The following COBL variants were observed in gnomAD, a reference collection of about 807,000 sequenced individuals.
The protein encoded by COBL is protein cordon-bleu.
In COBL, 51 loss-of-function variants were observed where a neutral mutation model predicts 98.8. The observed-to-expected ratio is 0.52, with a 90% CI of 0.41 to 0.65. COBL has a LOEUF of 0.65. Among genes scored for constraint, COBL ranks in the 30% least tolerant of loss-of-function variants. The pLI is 0.00. For missense variants in COBL, 1,617 were observed against 1,617.5 expected (o/e 1.00, Z 0.01); for synonymous variants, 634 against 651.7 (o/e 0.97, Z 0.41).
intron 1 of COBL, among the ~76,000 whole-genome samples, chr7:51,302,049 G>A (rs1000184760): frequency 6.6e-6 from 1 of 152,116 alleles, no homozygotes; most frequent in Non-Finnish European, 1.5e-5. Flanking sequence ...GGCCCTCCCC[G>A]AGGGCAGCCG....
chr7:51,127,244 C>T (rs1798299676), intron 6 of COBL, among the ~76,000 whole-genome samples: 1 of 152,296 alleles, frequency 6.6e-6, no homozygotes, highest in East Asian at 1.9e-4. Flanking sequence ...AAGTCACAAA[C>T]GTGAGCTACA....
chr7:51,303,507 G>A (rs1432498981), intron 1 of COBL, among the ~76,000 whole-genome samples: 1 of 152,176 alleles, frequency 6.6e-6, no homozygotes, highest in Non-Finnish European at 1.5e-5. Context: ...CGGATGGAGG[G>A]AGCCACAGAA....
chr7:51,056,686 G>A (rs1790780356), intron 7 of COBL, among the ~76,000 whole-genome samples: 2 of 152,040 alleles, frequency 1.3e-5, no homozygotes, highest in South Asian at 2.1e-4. Flanking sequence ...TACTCTAATC[G>A]GGGCTTGTTC....
At chr7:51,305,747 G>A (rs761467277) in intron 1 of COBL, among the ~76,000 whole-genome samples, 3 of 152,092 alleles carry the variant, frequency 2.0e-5, no homozygotes, top group African/African-American at 4.8e-5. Context: ...CATTGTACTC[G>A]ATGATGGCTG....
chr7:51,060,624 C>T (rs1791244440), intron 7 of COBL, among the ~76,000 whole-genome samples: 1 of 152,138 alleles, frequency 6.6e-6, no homozygotes, highest in Non-Finnish European at 1.5e-5. Context: ...CCCATAGGGT[C>T]CAGGAATCAA....
intron 6 of COBL, among the ~76,000 whole-genome samples, chr7:51,113,458 A>T (rs971639011): frequency 6.6e-6 from 1 of 152,142 alleles, no homozygotes; most frequent in African/African-American, 2.4e-5. Flanking sequence ...ATCCTCTCTT[A>T]AAAAACATTG....
At chr7:51,073,836 C>A (rs1348846540) in intron 7 of COBL, among the ~76,000 whole-genome samples, 1 of 152,126 alleles carries the variant, frequency 6.6e-6, no homozygotes, top group African/African-American at 2.4e-5. Flanking sequence ...TCAGTGTATC[C>A]CATCTTGATA....
chr7:51,188,150 C>A (rs1268047236), intron 4 of COBL, among the ~76,000 whole-genome samples: 1 of 152,252 alleles, frequency 6.6e-6, no homozygotes, highest in Non-Finnish European at 1.5e-5. Flanking sequence ...TGCTAAGCAC[C>A]GCTGAGGACG....
chr7:51,038,255 C>T (rs1483289932), intron 8 of COBL, among the ~76,000 whole-genome samples: 2 of 152,172 alleles, frequency 1.3e-5, no homozygotes, highest in African/African-American at 4.8e-5. Flanking sequence ...GAATGGAGCC[C>T]ACCAATGCTG....
intron 2 of COBL, among the ~76,000 whole-genome samples, chr7:51,209,546 A>C (rs1792205839): frequency 6.6e-6 from 1 of 152,188 alleles, no homozygotes; most frequent in African/African-American, 2.4e-5. Context: ...AAACAGGGAG[A>C]ACATCACTAT....
intron 3 of COBL, among the ~76,000 whole-genome samples, chr7:51,192,535 G>T (rs570101879): frequency 1.6e-4 from 24 of 152,240 alleles, no homozygotes; most frequent in African/African-American, 3.4e-4. Flanking sequence ...GAACCTGGGA[G>T]GCAGAGGTAG....
chr7:51,197,610 G>A (rs1056646514), intron 2 of COBL, among the ~76,000 whole-genome samples: 5 of 152,000 alleles, frequency 3.3e-5, no homozygotes, highest in African/African-American at 9.7e-5. Context: ...TTGTCAGTGG[G>A]GTGTTAAAGT....
chr7:51,302,260 A>G (rs1802046268), intron 1 of COBL, among the ~76,000 whole-genome samples: 2 of 152,222 alleles, frequency 1.3e-5, no homozygotes, highest in Non-Finnish European at 2.9e-5. Context: ...AAGTAAATTG[A>G]TAAGACCATT....
intron 1 of COBL, among the ~76,000 whole-genome samples, chr7:51,294,395 G>A (rs187122163): frequency 6.6e-6 from 1 of 151,676 alleles, no homozygotes; most frequent in Admixed American, 6.6e-5. Flanking sequence ...TACTTTAGGA[G>A]GCCAAGGCAG....
In COBL at chr7:51,316,699, C is replaced by A; in HGVS notation, c.-66G>T. ...CGAGTCAGGCGCTGGCTACCGCCGC[C>A]ACCGCTGCCGCCCTCATTCACTTTT... On this transcript the variant is annotated 5_prime_UTR_variant, in exon 1 of 13. Coordinates refer to ENST00000265136, the MANE Select transcript of COBL (RefSeq NM_015198.5). 2.1e-5 allele frequency: 23 copies of A among 1,113,644 alleles called. No homozygotes were observed. The highest frequency in any genetic ancestry group is 2.6e-5 in the Non-Finnish European group (23 of 891,084). 69.0% of individuals were successfully genotyped at this position (1,113,644 alleles called of 1,614,324 possible). A position where few individuals can be genotyped will look rare whatever the true frequency, so the allele number is the denominator to read the frequency against.
chr7:51,018,905 A>AATATATAT (rs71018490), intron 12 of COBL, among the ~76,000 whole-genome samples: 15 of 34,418 alleles, frequency 4.4e-4, no homozygotes, highest in South Asian at 1.4e-3. Flanking sequence ...AAAAAAAAAA[A>AATATATAT]ATATATATAT....
intron 7 of COBL, among the ~76,000 whole-genome samples, chr7:51,045,484 G>A (rs1789601868): frequency 6.6e-6 from 1 of 152,220 alleles, no homozygotes; most frequent in Non-Finnish European, 1.5e-5. Flanking sequence ...CATAGGCAGA[G>A]TGTGGCAGGC....
chr7:51,315,979 C>G (rs191010341), intron 1 of COBL, among the ~76,000 whole-genome samples: 1 of 152,354 alleles, frequency 6.6e-6, no homozygotes, highest in Admixed American at 6.5e-5. Context: ...CTTCCACTGC[C>G]AGGGGAGACC....
In COBL at chr7:51,112,203, A is replaced by G. The variant is rs183032954; in HGVS notation, c.957+23955T>C. On this transcript the variant is annotated intron_variant, in intron 6 of 12. Transcript: ENST00000265136. ...GCCATGAAGTGGGATTACAAAGTAG[A>G]TTCTGTACATAGAGTAAGTATCTTT... Among the ~76,000 whole-genome samples, 74 of 152,346 alleles carry G rather than the reference A, an allele frequency of 4.9e-4. 1 individual carries two copies. The highest frequency in any genetic ancestry group is 3.4e-3 in the Middle Eastern group (1 of 294).
Sources: allele counts gnomAD v4.1 joint callset (sites outside exome capture counted in the v4.1 genomes callset), GRCh38; gene constraint gnomAD v4.1.1; transcripts MANE v1.5; gene names NCBI Gene and HGNC (gene_info 2026-07-23, HGNC 2026-07-21).